The following GRIN2B variants were observed in gnomAD, a reference collection of about 807,000 sequenced individuals.
The protein encoded by GRIN2B is glutamate receptor ionotropic, NMDA 2B.
In GRIN2B, 5 loss-of-function variants were observed where a neutral mutation model predicts 114.5. That is an observed-to-expected ratio of 0.04 (90% CI 0.02 to 0.09). GRIN2B has a LOEUF of 0.09. Among genes scored for constraint, GRIN2B ranks in the 10% least tolerant of loss-of-function variants. The pLI, the probability that GRIN2B is intolerant of heterozygous loss-of-function variation, is 1.00. For synonymous variants in GRIN2B, 787 were observed against 745.1 expected, an observed-to-expected ratio of 1.06 and a Z score of -0.92; for missense variants, 1,108 against 1,943.5, an observed-to-expected ratio of 0.57 and a Z score of 8.08.
intron 3 of GRIN2B, among the ~76,000 whole-genome samples, chr12:13,774,246 C>T (rs773049595): frequency 5.3e-5 from 8 of 152,228 alleles, no homozygotes; most frequent in South Asian, 4.1e-4. Context: ...AAATTGCTTA[C>T]GCAAAAGATA....
At position 13,753,646 on chromosome 12, in the gene GRIN2B, G is replaced by A. The variant is rs148254591; in HGVS notation, c.681C>T (p.Ile227=). ...QNQLKKLQSP[I]ILLYCTKEEA... ...CTTCCTTGGTACAGTAAAGAAGAAT[G>A]ATGGGGCTTTGAAGTTTCTTGAGCT... Residue 227 remains isoleucine, a synonymous_variant, in exon 4 of 14, where the codon ATC becomes ATT. Coordinates refer to ENST00000609686, the MANE Select transcript of GRIN2B (RefSeq NM_000834.5). The surrounding 1 kb of genome is among the most constrained non-coding windows in gnomAD (Gnocchi z 6.2). 5.6e-6 allele frequency: 9 copies of A among 1,614,076 alleles called. No homozygotes were observed. The highest frequency in any genetic ancestry group is 1.3e-5 in the African/African-American group (1 of 74,944).
chr12:13,648,339 C>T (rs2136514066), intron 5 of GRIN2B, among the ~76,000 whole-genome samples: 1 of 152,048 alleles, frequency 6.6e-6, no homozygotes, highest in East Asian at 1.9e-4. Context: ...AGTATCTAAT[C>T]CAGTAGCATA....
At chr12:13,861,193 T>A (rs1261200509) in intron 3 of GRIN2B, among the ~76,000 whole-genome samples, 1 of 152,210 alleles carries the variant, frequency 6.6e-6, no homozygotes, top group Non-Finnish European at 1.5e-5. Context: ...GATGTATAAT[T>A]CTTAGTTCAG....
chr12:13,890,596 T>C (rs1866241744), intron 2 of GRIN2B, among the ~76,000 whole-genome samples: 1 of 152,152 alleles, frequency 6.6e-6, no homozygotes, highest in South Asian at 2.1e-4. Flanking sequence ...TAGCTCACAC[T>C]ATTTTTACTT....
chr12:13,810,570 T>C (rs1864710473), intron 3 of GRIN2B, among the ~76,000 whole-genome samples: 1 of 152,152 alleles, frequency 6.6e-6, no homozygotes, highest in African/African-American at 2.4e-5. Context: ...GTGGAGCCTG[T>C]ATATTTTTCC....
intron 3 of GRIN2B, among the ~76,000 whole-genome samples, chr12:13,840,398 C>G (rs891750752): frequency 2.6e-5 from 4 of 152,140 alleles, no homozygotes; most frequent in Non-Finnish European, 5.9e-5. Context: ...ATGAATGTAT[C>G]AGTGCAGGGG....
chr12:13,891,857 A>G (rs964750797), intron 2 of GRIN2B, among the ~76,000 whole-genome samples: 19 of 152,342 alleles, frequency 1.2e-4, no homozygotes, highest in African/African-American at 4.6e-4. Context: ...GAAGAAGCCA[A>G]TCAAATTCAA....
At chr12:13,625,545 CATT>C (rs1399394252) in intron 5 of GRIN2B, among the ~76,000 whole-genome samples, 1 of 152,156 alleles carries the variant, frequency 6.6e-6, no homozygotes, top group Non-Finnish European at 1.5e-5. Flanking sequence ...TCCTCCTTCT[CATT>C]ATAACTATTA....
In GRIN2B at chr12:13,864,177, A is replaced by G. The variant is rs574825132; in HGVS notation, c.411+1621T>C. 1.7e-4 allele frequency among the ~76,000 whole-genome samples: 26 copies of G among 152,348 alleles called. No individual in the cohort carries two copies. The South Asian group carries it at 5.2e-3, about 30-fold the overall frequency. ...TGGAAGAATATGTTTCTCATATGAT[A>G]CTGGAATGTCTTCACTTAACACTTT... On this transcript the variant is annotated intron_variant, in intron 3 of 13. Coordinates refer to ENST00000609686, the MANE Select transcript of GRIN2B (RefSeq NM_000834.5).
At chr12:13,708,056 G>A (rs28621435) in intron 4 of GRIN2B, among the ~76,000 whole-genome samples, 11,132 of 152,122 alleles carry the variant, frequency 0.073, 568 homozygotes, top group Non-Finnish European at 0.11. Context: ...AGAGTGGGCT[G>A]TGACTCAGCA....
intron 3 of GRIN2B, among the ~76,000 whole-genome samples, chr12:13,847,960 T>C (rs892824210): frequency 1.3e-5 from 2 of 152,120 alleles, no homozygotes; most frequent in African/African-American, 4.8e-5. Context: ...CTGAAGTCCT[T>C]CTGCCTTAAT....
At chr12:13,861,927 G>A (rs1168976921) in intron 3 of GRIN2B, among the ~76,000 whole-genome samples, 1 of 152,132 alleles carries the variant, frequency 6.6e-6, no homozygotes, top group African/African-American at 2.4e-5. Flanking sequence ...TGAAGCACTT[G>A]CCATGTATCA....
At chr12:13,827,690 G>A (rs959513712) in intron 3 of GRIN2B, among the ~76,000 whole-genome samples, 1 of 131,232 alleles carries the variant, frequency 7.6e-6, no homozygotes, top group African/African-American at 2.9e-5. Flanking sequence ...CTTTCTTTGG[G>A]TGGGGGGTGG....
Position 13,540,744 on chromosome 12 carries a change from T to A in GRIN2B, c.*22039A>T, listed in dbSNP as rs1471434588. 6.6e-6 allele frequency: 1 copy of A among 151,364 alleles called. No homozygotes were observed. Among genetic ancestry groups the A allele is most frequent in the Non-Finnish European group, 1.5e-5 (1 of 67,842 alleles). The allele number at this position is 151,364 out of a possible 1,614,324, so 9.4% of individuals were successfully genotyped here. A position where few individuals can be genotyped will look rare whatever the true frequency, so the allele number is the denominator to read the frequency against. The stretch of plus-strand genomic sequence containing the variant: ...TTACAGAAAACAGAAGCAAAACAAA[T>A]AAACAAAAAAAGAACTTGGAGGTGG... On this transcript the variant is annotated 3_prime_UTR_variant, in exon 14 of 14. Transcript: ENST00000609686.
chr12:13,637,192 C>G (rs1591652882), intron 5 of GRIN2B, among the ~76,000 whole-genome samples: 1 of 152,102 alleles, frequency 6.6e-6, no homozygotes, highest in East Asian at 1.9e-4. Flanking sequence ...TGGCCAAATT[C>G]AGGCAATAGA....
intron 4 of GRIN2B, among the ~76,000 whole-genome samples, chr12:13,718,418 A>G (rs1950477229): frequency 6.6e-6 from 1 of 151,998 alleles, no homozygotes; most frequent in South Asian, 2.1e-4. Context: ...CTGCGGAGGA[A>G]GTACCAAGGA....
At chr12:13,699,743 C>T (rs1394400894) in intron 4 of GRIN2B, among the ~76,000 whole-genome samples, 1 of 152,022 alleles carries the variant, frequency 6.6e-6, no homozygotes, top group Non-Finnish European at 1.5e-5. Context: ...TGTCTGCCAC[C>T]ACACCCAGCT....
chr12:13,685,372 C>T (rs1950167596), intron 4 of GRIN2B, among the ~76,000 whole-genome samples: 1 of 152,174 alleles, frequency 6.6e-6, no homozygotes, highest in Non-Finnish European at 1.5e-5. Context: ...GCTTCACTTA[C>T]AGGGCTGGAG....
intron 3 of GRIN2B, among the ~76,000 whole-genome samples, chr12:13,794,811 T>C (rs961029128): frequency 6.6e-6 from 1 of 152,252 alleles, no homozygotes; most frequent in Non-Finnish European, 1.5e-5. Context: ...ATTCAGGTTT[T>C]GTCCTCCCAG....
Sources: gnomAD v4.1 joint callset for allele counts (sites outside exome capture counted in the v4.1 genomes callset) on GRCh38, gnomAD v4.1.1 for gene constraint, Gnocchi (gnomAD v3.1) non-coding constraint, MANE v1.5 for transcripts, NCBI Gene and HGNC (gene_info 2026-07-23, HGNC 2026-07-21) for gene names.